Variants in CFAP52 observed in about 807,000 individuals in gnomAD.
CFAP52 encodes cilia- and flagella-associated protein 52.
A neutral mutation model predicts 70.5 loss-of-function variants in CFAP52; 57 were observed. The ratio of observed to expected loss-of-function variants is 0.81; its 90% CI spans 0.65 to 1.01. CFAP52 has a LOEUF of 1.01. Ranked by LOEUF, CFAP52 falls within the 50% of genes least tolerant of loss-of-function variation. The pLI is 0.00. For synonymous variants in CFAP52, 267 were observed against 292.5 expected, an observed-to-expected ratio of 0.91 and a Z score of 0.89; for missense variants, 785 against 788.5, an observed-to-expected ratio of 1.00 and a Z score of 0.05.
In CFAP52 at chr17:9,594,176, C is replaced by A; in HGVS notation, c.408-17C>A. 2 of 1,513,932 alleles carry A rather than the reference C, an allele frequency of 1.3e-6. No individual in the cohort carries two copies. The highest frequency in any genetic ancestry group is 2.6e-5 in the South Asian group (2 of 78,038). 93.8% of individuals were successfully genotyped at this position (1,513,932 alleles called of 1,614,324 possible). ...TTCTCTTTGACTTTTTTTTTTTGGTCCCTCTTATTTTGGCAGTGTGGTGGT... is the reference window on the plus strand; with the variant it reads ...TTCTCTTTGACTTTTTTTTTTTGGTACCTCTTATTTTGGCAGTGTGGTGGT... On this transcript the variant is annotated splice_polypyrimidine_tract_variant and intron_variant, in intron 3 of 13. Transcript: ENST00000352665.
intron 9 of CFAP52, 31 bp from the exon 10 acceptor site, chr17:9,632,857 C>T: frequency 6.2e-7 from 1 of 1,610,846 alleles, no homozygotes. Context: ...TATACTGATC[C>T]TGCCTGCCTT....
intron 8 of CFAP52, among the ~76,000 whole-genome samples, chr17:9,624,241 C>A (rs1269541097): frequency 2.0e-5 from 3 of 152,050 alleles, no homozygotes; most frequent in Non-Finnish European, 2.9e-5. Flanking sequence ...AGTTTTTCAG[C>A]CCTTGTTCCT....
chr17:9,638,685 A>G lies in CFAP52; in HGVS notation c.1549A>G (p.Ile517Val). The stretch of plus-strand genomic sequence containing the variant: ...GTGCTATCACCCTGAGGAGTTCCAG[A>G]TCATCACCAGCGGAACAGACAGAAA... ...CVCYHPEEFQ[I>V]ITSGTDRKIA... The change falls in exon 12 of 14, where the codon ATC (isoleucine) becomes GTC (valine). Residue 517 changes from isoleucine to valine, a missense_variant. By Grantham distance (29) the Ile-to-Val change is conservative. Coordinates refer to ENST00000352665, the MANE Select transcript of CFAP52 (RefSeq NM_145054.5). 6.2e-7 allele frequency: 1 copy of G among 1,614,184 alleles called. No homozygotes were observed. The highest frequency in any genetic ancestry group is 8.5e-7 in the Non-Finnish European group (1 of 1,180,042).
At chr17:9,634,295 C>T (rs112525953) in intron 10 of CFAP52, among the ~76,000 whole-genome samples, 2,420 of 152,292 alleles carry the variant, frequency 0.016, 77 homozygotes, top group African/African-American at 0.055. Context: ...TATAAGAAGG[C>T]GTAAGCATCT....
At chr17:9,579,233 A>G (rs970720356) in intron 1 of CFAP52, among the ~76,000 whole-genome samples, 1 of 152,216 alleles carries the variant, frequency 6.6e-6, no homozygotes, top group Admixed American at 6.5e-5. Context: ...GAGAGAGAAA[A>G]GACAGAACTT....
At chr17:9,589,158 T>TGTAAATG in intron 3 of CFAP52, among the ~76,000 whole-genome samples, 1 of 152,204 alleles carries the variant, frequency 6.6e-6, no homozygotes, top group South Asian at 2.1e-4. Context: ...TGCAAGACAT[T>TGTAAATG]CCTATGTAAA....
At chr17:9,615,795 CTTTTTT>C (rs1190663709) in intron 8 of CFAP52, among the ~76,000 whole-genome samples, 7,798 of 67,462 alleles carry the variant, frequency 0.12, 661 homozygotes, top group African/African-American at 0.26. Context: ...AAAAAAAATT[CTTTTTT>C]TTTTTTTTTT....
intron 8 of CFAP52, among the ~76,000 whole-genome samples, chr17:9,615,982 T>C (rs1394839534): frequency 6.6e-6 from 1 of 151,230 alleles, no homozygotes; most frequent in Non-Finnish European, 1.5e-5. Context: ...AATATAGTTT[T>C]TCGGGGGGAG....
chr17:9,622,749 C>A lies in CFAP52; in HGVS notation c.1026-5923C>A, dbSNP rs1409875536. Among the ~76,000 whole-genome samples, 3 of 151,964 alleles carry A rather than the reference C, an allele frequency of 2.0e-5. No homozygotes were observed. In the East Asian group the frequency reaches 5.8e-4, roughly 29 times the overall value. ...GCAAAATACATAAATCATAAATAAG[C>A]ACCTCAGTGACTTATCACACCTATA... On this transcript the variant is annotated intron_variant, in intron 8 of 13. Transcript: ENST00000352665.
chr17:9,595,078 A>G (rs970253280), intron 4 of CFAP52, among the ~76,000 whole-genome samples: 13 of 152,010 alleles, frequency 8.6e-5, no homozygotes, highest in Admixed American at 2.6e-4. Context: ...TTTAATAGAG[A>G]CAGGGTTTCA....
intron 9 of CFAP52, 62 bp downstream of exon 9, chr17:9,628,882 C>G (rs771479704): frequency 2.1e-5 from 33 of 1,605,638 alleles, no homozygotes; most frequent in Non-Finnish European, 2.6e-5. Flanking sequence ...TCTTGTCACT[C>G]TCCTCCCATA....
At chr17:9,579,118 A>G (rs892450147) in intron 1 of CFAP52, among the ~76,000 whole-genome samples, 3 of 152,020 alleles carry the variant, frequency 2.0e-5, no homozygotes, top group Admixed American at 2.0e-4. Flanking sequence ...TGGGGAGCTT[A>G]TGATTTTATT....
At chr17:9,637,285 C>T (rs1910850490) in intron 11 of CFAP52, among the ~76,000 whole-genome samples, 1 of 152,274 alleles carries the variant, frequency 6.6e-6, no homozygotes, top group South Asian at 2.1e-4. Flanking sequence ...AAATATAGAA[C>T]TAGAAGGACA....
intron 1 of CFAP52, among the ~76,000 whole-genome samples, chr17:9,579,305 T>C (rs945635575): frequency 2.0e-5 from 3 of 152,038 alleles, no homozygotes; most frequent in Non-Finnish European, 4.4e-5. Context: ...GAAGGCAGAA[T>C]ATTTCGGGTT....
At chr17:9,585,689 A>C in intron 1 of CFAP52, 84 bp from the exon 2 acceptor site, 1 of 1,348,894 alleles carries the variant, frequency 7.4e-7, no homozygotes, top group Non-Finnish European at 1.0e-6. Context: ...ACACACACAC[A>C]AAGTGTTGTG....
chr17:9,596,390 C>T (rs1456366091), intron 4 of CFAP52, among the ~76,000 whole-genome samples: 5 of 152,020 alleles, frequency 3.3e-5, no homozygotes, highest in African/African-American at 9.7e-5. Flanking sequence ...GCATCAGCCA[C>T]CATGCCTGGC....
chr17:9,616,715 G>A (rs1909942717), intron 8 of CFAP52, among the ~76,000 whole-genome samples: 1 of 147,348 alleles, frequency 6.8e-6, no homozygotes, highest in Non-Finnish European at 1.5e-5. Flanking sequence ...AGCCTAACTG[G>A]GAGGCACCCC....
At chr17:9,589,177 G>A (rs1908630907) in intron 3 of CFAP52, among the ~76,000 whole-genome samples, 1 of 152,108 alleles carries the variant, frequency 6.6e-6, no homozygotes, top group East Asian at 1.9e-4. Context: ...AATGTCAAAG[G>A]ATCACAATCT....
intron 1 of CFAP52, among the ~76,000 whole-genome samples, chr17:9,577,585 A>G (rs1908021867): frequency 6.6e-6 from 1 of 152,244 alleles, no homozygotes; most frequent in African/African-American, 2.4e-5. Context: ...GATGCAGAAC[A>G]ATCACTGTCT....
Sources: allele counts gnomAD v4.1 joint callset (sites outside exome capture counted in the v4.1 genomes callset), GRCh38; gene constraint gnomAD v4.1.1; transcripts MANE v1.5; gene names NCBI Gene and HGNC (gene_info 2026-07-23, HGNC 2026-07-21).